Variants in CLASP1 observed in about 807,000 individuals in gnomAD.
CLASP1 encodes CLIP-associating protein 1.
Under a neutral mutation model 192.3 loss-of-function variants are expected in CLASP1, and 38 were observed. The ratio of observed to expected loss-of-function variants is 0.20; its 90% CI spans 0.15 to 0.26. The LOEUF is 0.26. Ranked by LOEUF, CLASP1 falls within the 10% of genes least tolerant of loss-of-function variation. CLASP1 has a pLI of 1.00. For synonymous variants in CLASP1, 691 were observed against 712.8 expected (o/e 0.97, Z 0.49); for missense variants, 1,433 against 1,932.5 (o/e 0.74, Z 4.85).
chr2:121,338,909 C>A (rs1230011178), exon 40 of CLASP1: 1 of 152,490 alleles, frequency 6.6e-6, no homozygotes, highest in East Asian at 1.9e-4. Context: ...AAGGGGTCAA[C>A]AAGAGACTCC....
At chr2:121,642,604 C>T (rs999059706) in intron 1 of CLASP1, among the ~76,000 whole-genome samples, 2 of 151,810 alleles carry the variant, frequency 1.3e-5, no homozygotes, top group Non-Finnish European at 2.9e-5. Context: ...TGGTGGCGCA[C>T]ACCTGTAATC....
At chr2:121,419,413 T>C (rs2079120973) in intron 22 of CLASP1, among the ~76,000 whole-genome samples, 1 of 152,214 alleles carries the variant, frequency 6.6e-6, no homozygotes, top group South Asian at 2.1e-4. Context: ...ATTTTATCCC[T>C]GCTTTTTCTA....
intron 22 of CLASP1, among the ~76,000 whole-genome samples, chr2:121,422,049 A>G (rs2079594684): frequency 6.6e-6 from 1 of 152,220 alleles, no homozygotes; most frequent in Non-Finnish European, 1.5e-5. Context: ...CAGTATTCCT[A>G]GGTACCTCTG....
intron 1 of CLASP1, among the ~76,000 whole-genome samples, chr2:121,611,480 C>T (rs1468549562): frequency 1.5e-5 from 1 of 67,494 alleles, no homozygotes; most frequent in Non-Finnish European, 2.9e-5. Flanking sequence ...GAGGAGGAGG[C>T]GTTGGAGGAG....
intron 1 of CLASP1, among the ~76,000 whole-genome samples, chr2:121,612,910 G>C (rs2065849265): frequency 6.6e-6 from 1 of 152,140 alleles, no homozygotes. Flanking sequence ...TTACCTTACA[G>C]CAGTGTTGAC....
At chr2:121,490,795 C>G (rs1028929120) in intron 8 of CLASP1, among the ~76,000 whole-genome samples, 1 of 152,166 alleles carries the variant, frequency 6.6e-6, no homozygotes, top group Non-Finnish European at 1.5e-5. Flanking sequence ...TCCTTGTATT[C>G]GTGACTATGG....
exon 3 of CLASP1, chr2:121,530,316 G>A: frequency 6.4e-7 from 1 of 1,550,612 alleles, no homozygotes; most frequent in Non-Finnish European, 8.7e-7. Flanking sequence ...TCCATGCCCA[G>A]CAGAACCACC....
intron 1 of CLASP1, among the ~76,000 whole-genome samples, chr2:121,643,691 G>A (rs1414527863): frequency 6.6e-6 from 1 of 152,184 alleles, no homozygotes; most frequent in Non-Finnish European, 1.5e-5. Flanking sequence ...GTAAGTGGGT[G>A]TTTCTCCAGG....
At chr2:121,503,420 T>C (rs946644622) in intron 7 of CLASP1, among the ~76,000 whole-genome samples, 186 bp from the exon 8 acceptor site, 2 of 152,196 alleles carry the variant, frequency 1.3e-5, no homozygotes, top group African/African-American at 4.8e-5. Context: ...GAGCACTTAC[T>C]ATGGGTAAAG....
Position 121,555,988 on chromosome 2 carries a change from C to CTTTTTTTTTTTTTTT in CLASP1, c.196-25678_196-25664dup, listed in dbSNP as rs34423741. Among the ~76,000 whole-genome samples, 9 of 42,394 alleles carry CTTTTTTTTTTTTTTT rather than the reference C, an allele frequency of 2.1e-4. 1 individual carries two copies. Among genetic ancestry groups the CTTTTTTTTTTTTTTT allele is most frequent in the African/African-American group, 5.5e-4 (5 of 9,090 alleles). The allele number at this position is 42,394 out of a possible 152,430, so 27.8% of individuals were successfully genotyped here. On this transcript the variant is annotated intron_variant, in intron 2 of 39. Transcript: ENST00000263710. ...CACGGCGCCTGCCCCCTACCCACCGCTTTTTTTTTTTTTTTTTTTTTTTTT... is the reference window on the plus strand; with the variant it reads ...CACGGCGCCTGCCCCCTACCCACCGCTTTTTTTTTTTTTTTTTTTTTTTTTTTTTTTTTTTTTTTT...
At chr2:121,459,921 T>G in intron 12 of CLASP1, 59 bp downstream of exon 12, 1 of 1,490,606 alleles carries the variant, frequency 6.7e-7, no homozygotes, top group South Asian at 1.4e-5. Context: ...AGGAGACATC[T>G]CTGAAGCTCT....
intron 1 of CLASP1, among the ~76,000 whole-genome samples, chr2:121,633,466 C>T (rs770018039): frequency 6.6e-6 from 1 of 152,108 alleles, no homozygotes; most frequent in Non-Finnish European, 1.5e-5. Context: ...AATTGAATCA[C>T]TGACCAGTTT....
rs200805568 is a variant in CLASP1, at chr2:121,384,003, T to TAC, written c.3375-1680_3375-1679insGT. Among the ~76,000 whole-genome samples, 1,268 of 138,208 alleles carry TAC rather than the reference T, an allele frequency of 9.2e-3. 16 individuals are homozygous for TAC. Among genetic ancestry groups the TAC allele is most frequent in the African/African-American group, 0.033 (1,174 of 35,998 alleles). 90.7% of individuals were successfully genotyped at this position (138,208 alleles called of 152,430 possible). ...TCCTCACTGGTGAGATATATATATA[T>TAC]ATATACACACACACACACACACACA... On this transcript the variant is annotated intron_variant, in intron 32 of 39. Coordinates refer to ENST00000263710, the Ensembl canonical transcript of CLASP1.
rs1238051100 is a variant in CLASP1, at chr2:121,562,735, A to G, written c.196-32410T>C. On this transcript the variant is annotated intron_variant, in intron 2 of 39. Transcript: ENST00000263710. ...CTTGGCTTTTGTCCTCTGGGGTTTTATTATTGTTCAGGTTTTGTCTTTCAA... is the reference window on the plus strand; with the variant it reads ...CTTGGCTTTTGTCCTCTGGGGTTTTGTTATTGTTCAGGTTTTGTCTTTCAA... 2.0e-5 allele frequency among the ~76,000 whole-genome samples: 3 copies of G among 151,828 alleles called. No individual in the cohort carries two copies. In the East Asian group the frequency reaches 5.8e-4, roughly 29 times the overall value.
chr2:121,458,772 C>A, intron 13 of CLASP1, 68 bp downstream of exon 13: 1 of 1,226,474 alleles, frequency 8.2e-7, no homozygotes, highest in Non-Finnish European at 1.1e-6. Flanking sequence ...ACAAAAATGC[C>A]TCTAATATTT....
chr2:121,344,490 C>A (rs2063198470), intron 39 of CLASP1, among the ~76,000 whole-genome samples: 1 of 151,914 alleles, frequency 6.6e-6, no homozygotes, highest in African/African-American at 2.4e-5. Flanking sequence ...TGCCACCACA[C>A]CCACTTAATT....
At chr2:121,451,924 G>A (rs2085563992) in intron 14 of CLASP1, 75 bp from the exon 15 acceptor site, 3 of 926,996 alleles carry the variant, frequency 3.2e-6, no homozygotes, top group African/African-American at 3.3e-5. Flanking sequence ...TTTCTTAAGT[G>A]ACCCAATACT....
intron 32 of CLASP1, among the ~76,000 whole-genome samples, chr2:121,384,291 C>A (rs922848663): frequency 6.6e-6 from 1 of 151,916 alleles, no homozygotes; most frequent in African/African-American, 2.4e-5. Flanking sequence ...TGCGCTCAAG[C>A]AATCTCCCCA....
At chr2:121,643,492 T>C (rs1383626847) in intron 1 of CLASP1, among the ~76,000 whole-genome samples, 1 of 152,228 alleles carries the variant, frequency 6.6e-6, no homozygotes, top group African/African-American at 2.4e-5. Flanking sequence ...CATCTGCAAA[T>C]TGATAGGATC....
Sources: gnomAD v4.1 joint callset for allele counts (sites outside exome capture counted in the v4.1 genomes callset) on GRCh38, gnomAD v4.1.1 for gene constraint, MANE v1.5 for transcripts, NCBI Gene and HGNC (gene_info 2026-07-23, HGNC 2026-07-21) for gene names.